Variants in OCM observed in about 807,000 individuals in gnomAD.
The protein encoded by OCM is oncomodulin-1.
Under a neutral mutation model 14.1 loss-of-function variants are expected in OCM, and 18 were observed. The observed-to-expected ratio is 1.28, with a 90% CI of 0.88 to 1.89. The LOEUF is 1.89. Ranked by LOEUF, OCM falls within the 40% of genes most tolerant of loss-of-function variation. The pLI, the probability that OCM is intolerant of heterozygous loss-of-function variation, is 0.00. For missense variants in OCM, 140 were observed against 137.6 expected, an observed-to-expected ratio of 1.02 and a Z score of -0.09; for synonymous variants, 48 against 51.0, an observed-to-expected ratio of 0.94 and a Z score of 0.25.
chr7:5,885,550 C>A (rs573305418), intron 3 of OCM, among the ~76,000 whole-genome samples: 1 of 151,974 alleles, frequency 6.6e-6, no homozygotes, highest in East Asian at 1.9e-4. Context: ...AGAAATGGAA[C>A]CCTGTGAACT....
the OCM span, among the ~76,000 whole-genome samples, chr7:5,871,354 CAAAA>C: frequency 4.9e-5 from 6 of 123,340 alleles, 1 homozygote; most frequent in South Asian, 1.4e-3. Context: ...GTCCTTGTCT[CAAAA>C]AAAAAAAAAA....
upstream of OCM, among the ~76,000 whole-genome samples, chr7:5,876,396 C>T (rs1303196932): frequency 6.6e-6 from 1 of 152,158 alleles, no homozygotes; most frequent in African/African-American, 2.4e-5. Flanking sequence ...AGCAATCCTC[C>T]CACCTTGGCC....
the OCM span, among the ~76,000 whole-genome samples, chr7:5,867,857 G>A: frequency 1.3e-5 from 2 of 151,858 alleles, no homozygotes; most frequent in South Asian, 4.2e-4. Flanking sequence ...GACCTCCTGG[G>A]CCCAGGTGAT....
At chr7:5,878,083 G>T (rs1001873678), upstream of OCM, among the ~76,000 whole-genome samples, 5 of 150,014 alleles carry the variant, frequency 3.3e-5, no homozygotes, top group African/African-American at 1.2e-4. Context: ...TGATTCTCCT[G>T]CCTCAGCCTC....
At chr7:5,879,231 C>T (rs1781159154), upstream of OCM, among the ~76,000 whole-genome samples, 1 of 152,166 alleles carries the variant, frequency 6.6e-6, no homozygotes, top group Admixed American at 6.6e-5. Context: ...GTGTCTAGTC[C>T]TGGCCTCAGC....
At chr7:5,866,685 G>C in the OCM span, among the ~76,000 whole-genome samples, 1 of 152,136 alleles carries the variant, frequency 6.6e-6, no homozygotes, top group African/African-American at 2.4e-5. Context: ...AAAACCATTT[G>C]GGTGAATTTC....
chr7:5,877,256 G>C (rs1226347680), upstream of OCM, among the ~76,000 whole-genome samples: 1 of 151,964 alleles, frequency 6.6e-6, no homozygotes, highest in Non-Finnish European at 1.5e-5. Flanking sequence ...TTGAGTCCAG[G>C]AGTTTGAGAC....
chr7:5,868,353 G>T, the OCM span, among the ~76,000 whole-genome samples: 2 of 151,774 alleles, frequency 1.3e-5, no homozygotes, highest in South Asian at 2.1e-4. Context: ...TCACTATGTT[G>T]CTCAGGCTGG....
At chr7:5,864,624 T>C in the OCM span, among the ~76,000 whole-genome samples, 1 of 152,110 alleles carries the variant, frequency 6.6e-6, no homozygotes, top group Non-Finnish European at 1.5e-5. Flanking sequence ...ACCCAGGCAC[T>C]TAATAATTAA....
At chr7:5,874,948 C>T (rs1195591786), upstream of OCM, among the ~76,000 whole-genome samples, 1 of 152,040 alleles carries the variant, frequency 6.6e-6, no homozygotes, top group African/African-American at 2.4e-5. Flanking sequence ...CCCTGCTAAC[C>T]ACCATTCTGT....
At chr7:5,880,596 T>C (rs1781190601), upstream of OCM, among the ~76,000 whole-genome samples, 1 of 151,916 alleles carries the variant, frequency 6.6e-6, no homozygotes, top group South Asian at 2.1e-4. Flanking sequence ...CCGTCTCTAC[T>C]AAAAACACAA....
chr7:5,865,511 C>A, the OCM span, among the ~76,000 whole-genome samples: 1 of 152,168 alleles, frequency 6.6e-6, no homozygotes, highest in Non-Finnish European at 1.5e-5. Context: ...TTTAGAACAC[C>A]GTGAAGGTCA....
intron 3 of OCM, among the ~76,000 whole-genome samples, chr7:5,884,476 G>A (rs539704937): frequency 2.0e-5 from 3 of 152,104 alleles, no homozygotes; most frequent in African/African-American, 7.2e-5. Flanking sequence ...GCCCGCCAAG[G>A]GGATAATATT....
chr7:5,864,544 T>C, the OCM span, among the ~76,000 whole-genome samples: 1 of 152,260 alleles, frequency 6.6e-6, no homozygotes, highest in East Asian at 1.9e-4. Context: ...AGCTCAACTT[T>C]TTTAAGATGC....
At chr7:5,885,404 G>C (rs1179289864) in intron 3 of OCM, among the ~76,000 whole-genome samples, 1 of 152,104 alleles carries the variant, frequency 6.6e-6, no homozygotes, top group Non-Finnish European at 1.5e-5. Context: ...CAGACAAAAA[G>C]TTAAATGTTC....
the OCM span, among the ~76,000 whole-genome samples, chr7:5,874,381 C>T: frequency 1.3e-5 from 2 of 151,840 alleles, no homozygotes; most frequent in Non-Finnish European, 2.9e-5. Flanking sequence ...TATACATATA[C>T]ATTACATTAC....
chr7:5,860,777 TAC>T, the OCM span, among the ~76,000 whole-genome samples: 1 of 134,718 alleles, frequency 7.4e-6, no homozygotes, highest in African/African-American at 3.0e-5. Context: ...TTCGTATATA[TAC>T]GTGTATATAT....
upstream of OCM, among the ~76,000 whole-genome samples, chr7:5,877,819 C>CAAAA (rs535302724): frequency 1.8e-4 from 10 of 55,302 alleles, no homozygotes; most frequent in Admixed American, 8.9e-4. Flanking sequence ...GACTCCATCT[C>CAAAA]AAAAAAAAAA....
chr7:5,880,663 G>T, upstream of OCM: 1 of 472,582 alleles, frequency 2.1e-6, no homozygotes, highest in Non-Finnish European at 3.8e-6. Context: ...GAAGGCTTAG[G>T]CAGGAGAATC....
Sources: gnomAD v4.1 joint callset for allele counts (sites outside exome capture counted in the v4.1 genomes callset) on GRCh38, gnomAD v4.1.1 for gene constraint, MANE v1.5 for transcripts, NCBI Gene and HGNC (gene_info 2026-07-23, HGNC 2026-07-21) for gene names.